RAC2: variants seen among roughly 807,000 people sequenced by gnomAD.
RAC2 encodes Rac family small GTPase 2.
RAC2 carries 1 observed loss-of-function variant against 24.0 expected under a neutral mutation model. The ratio of observed to expected loss-of-function variants is 0.04; its 90% confidence interval spans 0.01 to 0.20. The LOEUF is 0.20. Ranked by LOEUF, RAC2 falls within the 10% of genes least tolerant of loss-of-function variation. The pLI is 1.00. For missense variants in RAC2, 130 were observed against 259.1 expected (o/e 0.50, Z 3.42); for synonymous variants, 114 against 106.8 (o/e 1.07, Z -0.41).
chr22:37,244,096 G>A lies in RAC2; in HGVS notation c.35+18C>T, dbSNP rs1403657091. ...CATCCCAGTTGGGGGCTGTGAGGAA[G>A]TCCAGCCAGGTACCTACCCATCTCC... is the stretch of plus-strand genomic sequence containing the variant. On this transcript the variant is annotated intron_variant, in intron 1 of 6. Coordinates refer to ENST00000249071, the MANE Select transcript of RAC2 (RefSeq NM_002872.5). 3 of 1,614,014 alleles carry A rather than the reference G, an allele frequency of 1.9e-6. No homozygotes were observed. Among genetic ancestry groups the A allele is most frequent in the Admixed American group, 3.3e-5 (2 of 60,012 alleles).
chr22:37,226,098 G>T (rs191387292), intron 6 of RAC2, 59 bp from the exon 7 acceptor site: 2 of 158,692 alleles, frequency 1.3e-5, no homozygotes, highest in Non-Finnish European at 2.8e-5. Context: ...CACAGCTCTC[G>T]CCTTCCTGGC....
intron 2 of RAC2, among the ~76,000 whole-genome samples, chr22:37,236,249 C>T (rs889513251): frequency 6.6e-6 from 1 of 152,196 alleles, no homozygotes; most frequent in South Asian, 2.1e-4. Flanking sequence ...TTCCATGTCC[C>T]CAAATGCCCC....
At chr22:37,238,101 G>A (rs1678532186) in intron 2 of RAC2, among the ~76,000 whole-genome samples, 1 of 151,998 alleles carries the variant, frequency 6.6e-6, no homozygotes, top group Admixed American at 6.5e-5. Context: ...GTGGGTAAGG[G>A]GTGTGGTAAA....
At chr22:37,237,612 A>C (rs1187710495) in intron 2 of RAC2, among the ~76,000 whole-genome samples, 1 of 152,120 alleles carries the variant, frequency 6.6e-6, no homozygotes, top group Non-Finnish European at 1.5e-5. Context: ...CAGTTTACCG[A>C]AGAGAGGATT....
In RAC2 at chr22:37,231,253, G is replaced by A. The variant is rs147759121; in HGVS notation, c.426C>T (p.Gly142=). The change falls in exon 5 of 7, where the codon GGC becomes GGT. Residue 142 remains glycine, a synonymous_variant. Coordinates refer to ENST00000249071, the MANE Select transcript of RAC2 (RefSeq NM_002872.5). The surrounding 1 kb of genome is among the most constrained non-coding windows in gnomAD (Gnocchi z 5.5). ...KKLAPITYPQ[G]LALAKEIDSV... The stretch of plus-strand genomic sequence containing the variant: ...TACCAATCTCCTTGGCCAGTGCCAG[G>A]CCCTGCGGGTAGGTGATGGGAGCCA... 3.5e-5 allele frequency: 57 copies of A among 1,613,518 alleles called. No individual in the cohort carries two copies. Among genetic ancestry groups the A allele is most frequent in the Non-Finnish European group, 4.7e-5 (55 of 1,180,020 alleles).
chr22:37,243,980 G>T (rs1199367687), intron 1 of RAC2, 134 bp downstream of exon 1: 4 of 1,239,814 alleles, frequency 3.2e-6, no homozygotes, highest in Non-Finnish European at 4.7e-6. Flanking sequence ...CTCGGAGAAG[G>T]AAGCGTCCCC....
intron 2 of RAC2, among the ~76,000 whole-genome samples, chr22:37,234,994 C>G (rs1003224713): frequency 6.6e-6 from 1 of 152,160 alleles, no homozygotes; most frequent in African/African-American, 2.4e-5. Flanking sequence ...GAGTCTCCAC[C>G]CCTTCAAGGG....
intron 2 of RAC2, among the ~76,000 whole-genome samples, chr22:37,240,525 C>T (rs1363955992): frequency 6.6e-6 from 1 of 150,438 alleles, no homozygotes; most frequent in Non-Finnish European, 1.5e-5. Context: ...TGGCTATGAT[C>T]GATCTTCCTG....
intron 3 of RAC2, 111 bp from the exon 4 acceptor site, chr22:37,232,105 A>T: frequency 9.3e-7 from 1 of 1,077,062 alleles, no homozygotes; most frequent in Non-Finnish European, 1.4e-6. Context: ...CACCCCAGGG[A>T]ATGCTGGGGA....
chr22:37,240,897 T>C (rs1185841263), intron 2 of RAC2: 6 of 639,236 alleles, frequency 9.4e-6, no homozygotes, highest in Middle Eastern at 2.8e-4. Flanking sequence ...TGGCGAACAG[T>C]AGGGTCCGGA....
intron 2 of RAC2, among the ~76,000 whole-genome samples, chr22:37,240,424 C>T (rs552456032): frequency 6.6e-6 from 1 of 152,340 alleles, no homozygotes; most frequent in South Asian, 2.1e-4. Flanking sequence ...CCTGTGCATG[C>T]TAATAGCCAT....
chr22:37,233,631 C>G (rs1185041621), intron 2 of RAC2, among the ~76,000 whole-genome samples: 2 of 152,180 alleles, frequency 1.3e-5, no homozygotes, highest in East Asian at 1.9e-4. Flanking sequence ...CTGGGTCCCC[C>G]CAGAAGCAAA....
chr22:37,244,034 G>A, intron 1 of RAC2, 80 bp downstream of exon 1: 3 of 1,582,134 alleles, frequency 1.9e-6, no homozygotes, highest in South Asian at 2.2e-5. Context: ...AGGGCCAGGG[G>A]CTTCCCCAGG....
chr22:37,231,770 C>G lies in RAC2; in HGVS notation c.288+162G>C, dbSNP rs565777880. ...ACCCCCCACCCCAGGTCCTCTGAAT[C>G]TTACCCCCTCAAGTCCCTCTGCCAG... On this transcript the variant is annotated intron_variant, in intron 4 of 6. Transcript: ENST00000249071. The surrounding 1 kb of genome is among the most constrained non-coding windows in gnomAD (Gnocchi z 5.5). Among the ~76,000 whole-genome samples the G allele has an allele frequency of 6.6e-6, 1 of 152,070 alleles. No homozygotes were observed. Among genetic ancestry groups the G allele is most frequent in the East Asian group, 1.9e-4 (1 of 5,170 alleles).
chr22:37,228,761 CA>C (rs1926963857), intron 5 of RAC2, among the ~76,000 whole-genome samples: 1 of 152,142 alleles, frequency 6.6e-6, no homozygotes, highest in Admixed American at 6.5e-5. Context: ...GCCCCTGGAA[CA>C]GGGGAGCCCA....
intron 2 of RAC2, among the ~76,000 whole-genome samples, chr22:37,233,632 C>G (rs1002752746): frequency 6.6e-6 from 1 of 152,180 alleles, no homozygotes; most frequent in Admixed American, 6.5e-5. Flanking sequence ...TGGGTCCCCC[C>G]AGAAGCAAAC....
rs1489649391 is a variant in RAC2, at chr22:37,226,692, C to T, written c.560G>A (p.Arg187His). Residue 187 changes from arginine (R) to histidine (H), a missense_variant, in exon 6 of 7, where the codon CGC (arginine) becomes CAC (histidine). Transcript: ENST00000249071. ...TTACCCCTAGAGGAGGCTGCAGGCG[C>T]GCTTCTGCTGCCGCGTGGGCTGAGG... ...LCPQPTRQQK[R>H]ACSLL 19 of 1,612,834 alleles carry T rather than the reference C, an allele frequency of 1.2e-5. No individual in the cohort carries two copies. Among genetic ancestry groups the T allele is most frequent in the African/African-American group, 4.0e-5 (3 of 74,818 alleles).
intron 2 of RAC2, among the ~76,000 whole-genome samples, chr22:37,236,680 C>T (rs750183426): frequency 1.3e-5 from 2 of 152,094 alleles, no homozygotes; most frequent in Non-Finnish European, 2.9e-5. Context: ...CCCCAGCACC[C>T]AGGTATCACC....
rs1927042328 is a variant in RAC2 at position 37,231,009 on chromosome 22, ACC to A, written c.448+220_448+221del. 6.6e-6 allele frequency among the ~76,000 whole-genome samples: 1 copy of A among 151,862 alleles called. No individual in the cohort carries two copies. The highest frequency in any genetic ancestry group is 2.4e-5 in the African/African-American group (1 of 41,334). ...AATAAGTTACTGAATTCCCCCAACC[ACC>A]CCAGGAGGCAGGAGCTATCACTATC... On this transcript the variant is annotated intron_variant, in intron 5 of 6. Transcript: ENST00000249071. This position sits in a 1 kb window ranked among gnomAD's most constrained non-coding sequence, Gnocchi z 5.5.
Sources: allele counts gnomAD v4.1 joint callset (sites outside exome capture counted in the v4.1 genomes callset), GRCh38; gene constraint gnomAD v4.1.1; non-coding constraint Gnocchi (gnomAD v3.1); transcripts MANE v1.5; gene names NCBI Gene and HGNC (gene_info 2026-07-23, HGNC 2026-07-21).